Variants in INSL6 observed in about 807,000 individuals in gnomAD.
INSL6 encodes insulin-like peptide INSL6.
In INSL6, 16 loss-of-function variants were observed where a neutral mutation model predicts 9.4. That is an observed-to-expected ratio of 1.70 (90% CI 1.15 to 2.59). INSL6 has a LOEUF of 2.59. Ranked by LOEUF, INSL6 falls within the 30% of genes most tolerant of loss-of-function variation. The pLI, the probability that INSL6 is intolerant of heterozygous loss-of-function variation, is 0.00. For synonymous variants in INSL6, 154 were observed against 96.9 expected (o/e 1.59, Z -3.46); for missense variants, 391 against 257.3 (o/e 1.52, Z -3.56).
the INSL6 span, chr9:5,110,148 C>A: frequency 6.6e-6 from 1 of 152,208 alleles, no homozygotes; most frequent in Admixed American, 6.5e-5. Flanking sequence ...TAAATTCGGC[C>A]TCCATCCCTG....
chr9:5,179,075 G>T (rs548156700), intron 1 of INSL6, among the ~76,000 whole-genome samples: 1 of 148,104 alleles, frequency 6.8e-6, no homozygotes, highest in African/African-American at 2.5e-5. Context: ...AGAGTGAACA[G>T]ACAACCTACA....
the INSL6 span, among the ~76,000 whole-genome samples, chr9:5,060,253 G>A: frequency 6.6e-6 from 1 of 152,180 alleles, no homozygotes; most frequent in Non-Finnish European, 1.5e-5. Flanking sequence ...GATCAGTGTG[G>A]TGGCTGCTTA....
the INSL6 span, chr9:5,054,972 T>C: frequency 2.2e-6 from 2 of 926,900 alleles, no homozygotes; most frequent in Non-Finnish European, 3.2e-6. This position sits in a 1 kb window ranked among gnomAD's most constrained non-coding sequence, Gnocchi z 4.9. Context: ...TGCAACATGG[T>C]ATTGCACTTC....
At chr9:4,996,568 G>GT in the INSL6 span, among the ~76,000 whole-genome samples, 10 of 150,756 alleles carry the variant, frequency 6.6e-5, no homozygotes, top group Non-Finnish European at 1.5e-4. Flanking sequence ...AGATTTTTTG[G>GT]TTTTTTTGAG....
intron 3 of INSL6, among the ~76,000 whole-genome samples, chr9:5,129,851 T>C (rs1040990182): frequency 6.6e-6 from 1 of 152,204 alleles, no homozygotes; most frequent in African/African-American, 2.4e-5. Context: ...ATCAGATTCT[T>C]AGTAAAATGC....
the INSL6 span, among the ~76,000 whole-genome samples, chr9:5,049,848 A>G: frequency 6.6e-6 from 1 of 152,242 alleles, no homozygotes; most frequent in Non-Finnish European, 1.5e-5. Context: ...ACAAACTTAT[A>G]TAGCATGTTG....
downstream of INSL6, among the ~76,000 whole-genome samples, chr9:5,119,193 C>T (rs1823431155): frequency 6.6e-6 from 1 of 152,082 alleles, no homozygotes; most frequent in East Asian, 1.9e-4. Context: ...AAACAAATCA[C>T]TTAATTTCTG....
chr9:5,065,055 C>A, the INSL6 span: 1 of 1,492,414 alleles, frequency 6.7e-7, no homozygotes, highest in Non-Finnish European at 9.0e-7. Flanking sequence ...GTAATACAGA[C>A]TTAAAAGTAA....
chr9:5,174,811 A>G (rs1210824019), intron 1 of INSL6, among the ~76,000 whole-genome samples: 1 of 152,164 alleles, frequency 6.6e-6, no homozygotes, highest in Non-Finnish European at 1.5e-5. Flanking sequence ...AACATGTCCA[A>G]AACTGAACTA....
At chr9:5,113,998 A>T in the INSL6 span, 1 of 272,042 alleles carries the variant, frequency 3.7e-6, no homozygotes, top group South Asian at 4.1e-5. Flanking sequence ...GAGGATGGGC[A>T]GGTCGTGGAT....
chr9:5,140,075 A>T (rs1434199881), intron 2 of INSL6, among the ~76,000 whole-genome samples: 3 of 152,232 alleles, frequency 2.0e-5, no homozygotes, highest in Admixed American at 2.0e-4. Flanking sequence ...TATTCTGATG[A>T]ATTTACAGAA....
At chr9:5,182,191 G>C (rs988295954) in intron 1 of INSL6, among the ~76,000 whole-genome samples, 2 of 152,080 alleles carry the variant, frequency 1.3e-5, no homozygotes, top group African/African-American at 4.8e-5. Flanking sequence ...GAATAAATCA[G>C]TAAAATGTGA....
downstream of INSL6, among the ~76,000 whole-genome samples, chr9:5,122,469 G>A (rs929805009): frequency 3.3e-5 from 5 of 152,030 alleles, no homozygotes; most frequent in African/African-American, 1.2e-4. Context: ...CTTGCAAAGA[G>A]CAGCTTATTT....
At chr9:5,006,110 T>G in the INSL6 span, among the ~76,000 whole-genome samples, 1 of 152,234 alleles carries the variant, frequency 6.6e-6, no homozygotes, top group South Asian at 2.1e-4. Flanking sequence ...ACGATATTGA[T>G]TCTTCCTACC....
At chr9:5,086,013 C>G in the INSL6 span, 1 of 819,442 alleles carries the variant, frequency 1.2e-6, no homozygotes, top group Non-Finnish European at 2.2e-6. Context: ...CTGTGATATA[C>G]TATATACATT....
At chr9:5,102,625 G>T in the INSL6 span, among the ~76,000 whole-genome samples, 1 of 152,160 alleles carries the variant, frequency 6.6e-6, no homozygotes, top group South Asian at 2.1e-4. Flanking sequence ...GGAAAAAAAT[G>T]TTAAGGGCAG....
At chr9:5,137,713 G>A (rs1445306631) in intron 2 of INSL6, among the ~76,000 whole-genome samples, 2 of 152,090 alleles carry the variant, frequency 1.3e-5, no homozygotes, top group African/African-American at 4.8e-5. Context: ...AAAAGCAATG[G>A]CAACAAAAGC....
At chr9:5,157,216 C>A (rs1320600333) in intron 2 of INSL6, among the ~76,000 whole-genome samples, 1 of 151,912 alleles carries the variant, frequency 6.6e-6, no homozygotes, top group Admixed American at 6.6e-5. Flanking sequence ...TATCAAAATC[C>A]CCAAAAAGTG....
At chr9:5,034,129 C>A in the INSL6 span, among the ~76,000 whole-genome samples, 1 of 152,006 alleles carries the variant, frequency 6.6e-6, no homozygotes, top group Non-Finnish European at 1.5e-5. Flanking sequence ...CAACAAAGAT[C>A]AAAAGAAACA....
Sources: allele counts gnomAD v4.1 joint callset (sites outside exome capture counted in the v4.1 genomes callset), GRCh38; gene constraint gnomAD v4.1.1; non-coding constraint Gnocchi (gnomAD v3.1); transcripts MANE v1.5; gene names NCBI Gene and HGNC (gene_info 2026-07-23, HGNC 2026-07-21).